RAI14: variants seen among roughly 807,000 people sequenced by gnomAD.
RAI14 encodes the protein retinoic acid induced 14, also known as ankycorbin.
RAI14 carries 45 observed loss-of-function variants against 115.4 expected under a neutral mutation model. The ratio of observed to expected loss-of-function variants is 0.39; its 90% CI spans 0.31 to 0.50. The LOEUF (loss-of-function observed/expected upper bound fraction) is 0.50, where lower values mean the gene tolerates loss of function less well. RAI14 is among the 20% of genes least tolerant of loss of function. The probability of loss-of-function intolerance (pLI) is 0.85; values close to 1 mark genes in which losing one functional copy is unlikely to be tolerated. For missense variants in RAI14, 939 were observed against 1,131.2 expected (o/e 0.83, Z 2.44); for synonymous variants, 371 against 415.4 (o/e 0.89, Z 1.30).
At chr5:34,754,041 A>G (rs1324881329) in intron 2 of RAI14, among the ~76,000 whole-genome samples, 2 of 151,864 alleles carry the variant, frequency 1.3e-5, no homozygotes, top group Non-Finnish European at 1.5e-5. Flanking sequence ...AGATCGTGCC[A>G]CTGCACTCCA....
intron 2 of RAI14, among the ~76,000 whole-genome samples, chr5:34,712,003 A>G (rs185646108): frequency 1.3e-5 from 2 of 151,998 alleles, no homozygotes; most frequent in Admixed American, 1.3e-4. Context: ...CCTTGGGGTG[A>G]TCTTGTTAAG....
chr5:34,722,115 C>T (rs938216712), intron 2 of RAI14, among the ~76,000 whole-genome samples: 8 of 145,552 alleles, frequency 5.5e-5, no homozygotes, highest in Non-Finnish European at 1.0e-4. Context: ...TAGATCTTTT[C>T]AGATAGACCC....
rs1259510584 is a variant in RAI14, at chr5:34,829,845, C to T, written c.2865+48C>T. On this transcript the variant is annotated intron_variant, in intron 17 of 17. Transcript: ENST00000265109. ...ATCTGGACATCCTAAAGAAATACGG[C>T]AGCAGATGTTGACAGAACTCCCATC... 4 of 1,438,010 alleles carry T rather than the reference C, an allele frequency of 2.8e-6. No homozygotes were observed. In the South Asian group the frequency reaches 3.8e-5, roughly 14 times the overall value. 89.1% of individuals were successfully genotyped at this position (1,438,010 alleles called of 1,614,324 possible). A position where few individuals can be genotyped will look rare whatever the true frequency, so the allele number is the denominator to read the frequency against.
At chr5:34,805,719 T>C (rs960911948) in intron 5 of RAI14, among the ~76,000 whole-genome samples, 2 of 152,092 alleles carry the variant, frequency 1.3e-5, no homozygotes. Context: ...TGCATGCCTG[T>C]AATCCCAGCT....
chr5:34,730,749 G>A (rs188233408), intron 2 of RAI14, among the ~76,000 whole-genome samples: 1 of 152,264 alleles, frequency 6.6e-6, no homozygotes, highest in Non-Finnish European at 1.5e-5. Context: ...TTGGGAGGCC[G>A]AGGCAGGAGG....
chr5:34,716,031 A>T (rs1431925058), intron 2 of RAI14: 1 of 445,058 alleles, frequency 2.2e-6, no homozygotes, highest in Admixed American at 2.5e-5. Context: ...TGCAAGAAAA[A>T]CAACCATATT....
At chr5:34,828,454 GT>G (rs1757668156) in intron 16 of RAI14, among the ~76,000 whole-genome samples, 2 of 152,102 alleles carry the variant, frequency 1.3e-5, no homozygotes, top group Non-Finnish European at 2.9e-5. Context: ...AAATAATTGA[GT>G]AGAGGTTGCT....
At chr5:34,685,172 A>T (rs1249421940) in intron 1 of RAI14, 3 of 152,128 alleles carry the variant, frequency 2.0e-5, no homozygotes, top group Non-Finnish European at 4.4e-5. Context: ...GCTTGAGCCC[A>T]GGAATTCGTG....
At chr5:34,757,345 A>T (rs772312560) in intron 2 of RAI14, 123 bp from the exon 3 acceptor site, 1 of 1,137,116 alleles carries the variant, frequency 8.8e-7, no homozygotes, top group Non-Finnish European at 1.3e-6. Context: ...AAACACACTC[A>T]TTCGGGAGCA....
At chr5:34,796,502 C>G (rs570298001) in intron 4 of RAI14, among the ~76,000 whole-genome samples, 51 of 152,036 alleles carry the variant, frequency 3.4e-4, no homozygotes, top group Non-Finnish European at 6.6e-4. Flanking sequence ...TGTTGTATAG[C>G]CATACTTCTG....
At chr5:34,822,220 A>G (rs112031943) in intron 14 of RAI14, among the ~76,000 whole-genome samples, 1,563 of 143,554 alleles carry the variant, frequency 0.011, 29 homozygotes, top group African/African-American at 0.033. Flanking sequence ...TTAAAATTTT[A>G]CGTTTTAAAT....
rs140353824 is a variant in RAI14, at chr5:34,665,917, C to T, written c.-49+9442C>T. ...TACTCTCAATTTGAAAACTAGTCAT[C>T]GGTTGCTATGTCAACCAGTCAACAT... On this transcript the variant is annotated intron_variant, in intron 1 of 17. Transcript: ENST00000265109. Among the ~76,000 whole-genome samples, 569 of 152,288 alleles carry T rather than the reference C, an allele frequency of 3.7e-3. 7 individuals are homozygous for T. Among genetic ancestry groups the T allele is most frequent in the African/African-American group, 0.013 (528 of 41,540 alleles).
intron 2 of RAI14, among the ~76,000 whole-genome samples, chr5:34,690,520 C>T (rs1738445269): frequency 6.6e-6 from 1 of 152,178 alleles, no homozygotes; most frequent in Non-Finnish European, 1.5e-5. Flanking sequence ...CCCAAGGGGG[C>T]CTCCTATGGA....
At chr5:34,672,655 G>A (rs577208758) in intron 1 of RAI14, among the ~76,000 whole-genome samples, 56 of 152,288 alleles carry the variant, frequency 3.7e-4, no homozygotes, top group African/African-American at 1.3e-3. Context: ...ATCCAGGCTG[G>A]CATGGCCCCT....
At chr5:34,665,007 A>ATATATATGTG (rs1561220438) in intron 1 of RAI14, among the ~76,000 whole-genome samples, 543 of 10,786 alleles carry the variant, frequency 0.05, 180 homozygotes, top group Non-Finnish European at 0.1. Context: ...ATATGTGTAT[A>ATATATATGTG]TATATATATA....
intron 2 of RAI14, among the ~76,000 whole-genome samples, chr5:34,710,440 G>A (rs527884081): frequency 3.3e-5 from 5 of 152,112 alleles, no homozygotes; most frequent in African/African-American, 1.2e-4. Context: ...CATGGCATAG[G>A]CTCTCTGTCA....
intron 3 of RAI14, among the ~76,000 whole-genome samples, chr5:34,771,010 A>G (rs956497043): frequency 5.9e-5 from 9 of 152,162 alleles, no homozygotes; most frequent in South Asian, 2.1e-4. Flanking sequence ...GAAAGTTGTT[A>G]TGTACCATGA....
At chr5:34,673,673 G>A (rs144174729) in intron 1 of RAI14, among the ~76,000 whole-genome samples, 1 of 152,268 alleles carries the variant, frequency 6.6e-6, no homozygotes, top group Non-Finnish European at 1.5e-5. Flanking sequence ...TGCCTTATGT[G>A]ACCCCACATC....
At chr5:34,757,728 A>T in intron 3 of RAI14, 130 bp downstream of exon 3, 1 of 1,231,730 alleles carries the variant, frequency 8.1e-7, no homozygotes, top group East Asian at 2.6e-5. Context: ...ATGTAAGAAG[A>T]TATTTTAATC....
Sources: allele counts gnomAD v4.1 joint callset (sites outside exome capture counted in the v4.1 genomes callset), GRCh38; gene constraint gnomAD v4.1.1; transcripts MANE v1.5; gene names NCBI Gene and HGNC (gene_info 2026-07-23, HGNC 2026-07-21).